The following KCNQ1 variants were observed in gnomAD, a reference collection of about 807,000 sequenced individuals.
KCNQ1 encodes the protein potassium voltage-gated channel subfamily KQT member 1.
In KCNQ1, 49 loss-of-function variants were observed where a neutral mutation model predicts 72.4. The observed-to-expected ratio is 0.68, with a 90% CI of 0.54 to 0.86. The LOEUF (loss-of-function observed/expected upper bound fraction) is 0.86, where lower values mean the gene tolerates loss of function less well. Ranked by LOEUF, KCNQ1 falls within the 40% of genes least tolerant of loss-of-function variation. The pLI, the probability that KCNQ1 is intolerant of heterozygous loss-of-function variation, is 0.00. For missense variants in KCNQ1, 790 were observed against 945.1 expected, an observed-to-expected ratio of 0.84 and a Z score of 2.15; for synonymous variants, 450 against 412.6, an observed-to-expected ratio of 1.09 and a Z score of -1.10.
chr11:2,742,497 C>A (rs965290703), intron 11 of KCNQ1, among the ~76,000 whole-genome samples: 1 of 152,230 alleles, frequency 6.6e-6, no homozygotes, highest in Non-Finnish European at 1.5e-5. Context: ...GTGGTGGATT[C>A]ATCCCAATGC....
chr11:2,672,161 GT>G (rs1850194606), intron 11 of KCNQ1: 1 of 398,542 alleles, frequency 2.5e-6, no homozygotes, highest in African/African-American at 2.1e-5. Context: ...AGTTGGGCTT[GT>G]TTTTCAGTGT....
rs1018324243 is a variant in KCNQ1, at chr11:2,602,568, C to A, written c.1393+13714C>A. Among the ~76,000 whole-genome samples the A allele has an allele frequency of 6.6e-6, 1 of 152,222 alleles. No homozygotes were observed. Among genetic ancestry groups the A allele is most frequent in the Non-Finnish European group, 1.5e-5 (1 of 68,044 alleles). Reference sequence around the variant, plus strand: ...GCAAGGTCTAAGTGATCTAGTTTCTCTGCATTCTTGCTGGCATTTGATGTT... The same window carrying A: ...GCAAGGTCTAAGTGATCTAGTTTCTATGCATTCTTGCTGGCATTTGATGTT... On this transcript the variant is annotated intron_variant, in intron 10 of 15. Transcript: ENST00000155840. This position sits in a 1 kb window ranked among gnomAD's most constrained non-coding sequence, Gnocchi z 4.8.
chr11:2,498,170 C>T lies in KCNQ1; in HGVS notation c.387-29758C>T, dbSNP rs1846952653. Among the ~76,000 whole-genome samples, 2 of 152,208 alleles carry T rather than the reference C, an allele frequency of 1.3e-5. No homozygotes were observed. The highest frequency in any genetic ancestry group is 2.9e-5 in the Non-Finnish European group (2 of 68,038). Reference sequence around the variant, plus strand: ...GGGCTCAGGGACCCACTTGAGGAGGCAGTCTGTCCCTTAGCAGAGCTCATG... The same window carrying T: ...GGGCTCAGGGACCCACTTGAGGAGGTAGTCTGTCCCTTAGCAGAGCTCATG... On this transcript the variant is annotated intron_variant, in intron 1 of 15. Coordinates refer to ENST00000155840, the MANE Select transcript of KCNQ1 (RefSeq NM_000218.3). This position sits in a 1 kb window ranked among gnomAD's most constrained non-coding sequence, Gnocchi z 4.8.
chr11:2,608,328 TAGTC>T lies in KCNQ1; in HGVS notation c.1393+19478_1393+19481del, dbSNP rs139121618. The T allele has an allele frequency of 3.8e-5, 15 of 398,540 alleles. No homozygotes were observed. The highest frequency in any genetic ancestry group is 1.3e-4 in the South Asian group (1 of 7,832). 24.7% of individuals were successfully genotyped at this position (398,540 alleles called of 1,614,324 possible). A position where few individuals can be genotyped will look rare whatever the true frequency, so the allele number is the denominator to read the frequency against. On this transcript the variant is annotated intron_variant, in intron 10 of 15. Transcript: ENST00000155840. The surrounding 1 kb of genome is among the most constrained non-coding windows in gnomAD (Gnocchi z 4.6). The stretch of plus-strand genomic sequence containing the variant: ...CCATTCACATTTTCTACTTATTTCT[TAGTC>T]AGTTTTCATAGTTTTCATCTTTCTA...
chr11:2,737,856 G>C (rs754825017), intron 11 of KCNQ1, among the ~76,000 whole-genome samples: 1 of 152,232 alleles, frequency 6.6e-6, no homozygotes, highest in African/African-American at 2.4e-5. Flanking sequence ...ATGAGGATGT[G>C]AGGCGGTCAT....
intron 15 of KCNQ1, among the ~76,000 whole-genome samples, chr11:2,840,805 C>T (rs1848192245): frequency 6.6e-6 from 1 of 152,242 alleles, no homozygotes; most frequent in Non-Finnish European, 1.5e-5. Flanking sequence ...CCAGCCTCAG[C>T]TTCTCTGCTC....
At chr11:2,625,464 A>C in intron 10 of KCNQ1, 1 of 398,432 alleles carries the variant, frequency 2.5e-6, no homozygotes. Context: ...AGTGTATGTA[A>C]GGTTGTGGTT....
In KCNQ1 at chr11:2,447,870, C is replaced by G. The variant is rs552631395; in HGVS notation, c.386+2386C>G. On this transcript the variant is annotated intron_variant, in intron 1 of 15. Transcript: ENST00000155840. This position sits in a 1 kb window ranked among gnomAD's most constrained non-coding sequence, Gnocchi z 7.6. ...GGGCTAGGGCGAACTCTCCTGTGTG[C>G]GCCTGGGGAAGCCAGCCAGGATATC... 6.6e-6 allele frequency among the ~76,000 whole-genome samples: 1 copy of G among 152,296 alleles called. No individual in the cohort carries two copies. The highest frequency in any genetic ancestry group is 1.9e-4 in the East Asian group (1 of 5,176).
chr11:2,679,797 T>C lies in KCNQ1; in HGVS notation c.1514+17716T>C. 2.5e-6 allele frequency: 1 copy of C among 398,608 alleles called. No individual in the cohort carries two copies. 24.7% of individuals were successfully genotyped at this position (398,608 alleles called of 1,614,324 possible). A position where few individuals can be genotyped will look rare whatever the true frequency, so the allele number is the denominator to read the frequency against. ...AGGGCCTGTTAGGCCAGTTGAGGGCTAGAGGAGCACAAGGGGCCAGACTGC... is the reference window on the plus strand; with the variant it reads ...AGGGCCTGTTAGGCCAGTTGAGGGCCAGAGGAGCACAAGGGGCCAGACTGC... On this transcript the variant is annotated intron_variant, in intron 11 of 15. Coordinates refer to ENST00000155840, the MANE Select transcript of KCNQ1 (RefSeq NM_000218.3). The surrounding 1 kb of genome is among the most constrained non-coding windows in gnomAD (Gnocchi z 4.8).
Position 2,657,863 on chromosome 11 carries a change from T to C in KCNQ1, c.1394-4098T>C, listed in dbSNP as rs1358256430. 1 of 398,476 alleles carries C rather than the reference T, an allele frequency of 2.5e-6. No individual in the cohort carries two copies. The highest frequency in any genetic ancestry group is 4.4e-6 in the Non-Finnish European group (1 of 226,052). The allele number at this position is 398,476 out of a possible 1,614,324, so 24.7% of individuals were successfully genotyped here. A position where few individuals can be genotyped will look rare whatever the true frequency, so the allele number is the denominator to read the frequency against. ...CAGGACTAGACCAGGGTTATAGGTT[T>C]AGGGGAAGGAGGCCAGTGAGGTGAG... On this transcript the variant is annotated intron_variant, in intron 10 of 15. Transcript: ENST00000155840. The surrounding 1 kb of genome is among the most constrained non-coding windows in gnomAD (Gnocchi z 4.8).
At chr11:2,707,912 C>T (rs2133914260) in intron 11 of KCNQ1, among the ~76,000 whole-genome samples, 1 of 152,322 alleles carries the variant, frequency 6.6e-6, no homozygotes, top group African/African-American at 2.4e-5. Flanking sequence ...TGTGCCTTGG[C>T]CCACATTTGG....
intron 11 of KCNQ1, among the ~76,000 whole-genome samples, chr11:2,763,808 C>T (rs1289834788): frequency 1.3e-5 from 2 of 151,980 alleles, no homozygotes; most frequent in Non-Finnish European, 2.9e-5. Flanking sequence ...GTGATCCTCC[C>T]ACCCCACCCT....
intron 1 of KCNQ1, among the ~76,000 whole-genome samples, chr11:2,523,771 T>G (rs1847441435): frequency 6.7e-6 from 1 of 148,842 alleles, no homozygotes; most frequent in African/African-American, 2.5e-5. Context: ...TTTTTTTTTT[T>G]GAAAGTTTAA....
intron 10 of KCNQ1, among the ~76,000 whole-genome samples, chr11:2,589,647 G>A (rs1848645654): frequency 6.6e-6 from 1 of 152,202 alleles, no homozygotes; most frequent in Non-Finnish European, 1.5e-5. Context: ...ATGTGCTTCA[G>A]CCACACGGCA....
intron 11 of KCNQ1, among the ~76,000 whole-genome samples, chr11:2,760,343 G>T (rs577127187): frequency 6.6e-6 from 1 of 152,202 alleles, no homozygotes; most frequent in Non-Finnish European, 1.5e-5. Flanking sequence ...ATGAACCAGC[G>T]GATGGGGGTG....
intron 11 of KCNQ1, among the ~76,000 whole-genome samples, chr11:2,742,742 C>T (rs547587794): frequency 2.6e-5 from 4 of 152,220 alleles, no homozygotes; most frequent in African/African-American, 4.8e-5. Context: ...GAATTCGGGG[C>T]GGTCCTGACA....
intron 11 of KCNQ1, chr11:2,666,473 G>A (rs779582430): frequency 1.3e-5 from 5 of 398,528 alleles, no homozygotes; most frequent in Non-Finnish European, 1.8e-5. Flanking sequence ...AGAATCTCAC[G>A]CCAAGACATT....
At position 2,682,789 on chromosome 11, in the gene KCNQ1, A is replaced by G. The variant is rs1325293660; in HGVS notation, c.1514+20708A>G. ...AGAAATGCAGGGAAATCTGGGCACC[A>G]TGAAATGCAGTGACTTGCAGTGATC... On this transcript the variant is annotated intron_variant, in intron 11 of 15. Coordinates refer to ENST00000155840, the MANE Select transcript of KCNQ1 (RefSeq NM_000218.3). The surrounding 1 kb of genome is among the most constrained non-coding windows in gnomAD (Gnocchi z 5.8). The G allele has an allele frequency of 5.0e-6, 2 of 398,684 alleles. No individual in the cohort carries two copies. The highest frequency in any genetic ancestry group is 8.8e-6 in the Non-Finnish European group (2 of 226,092). 24.7% of individuals were successfully genotyped at this position (398,684 alleles called of 1,614,324 possible). A position where few individuals can be genotyped will look rare whatever the true frequency, so the allele number is the denominator to read the frequency against.
Position 2,783,857 on chromosome 11 carries a change from A to G in KCNQ1, c.1794+5820A>G, listed in dbSNP as rs1036235784. Among the ~76,000 whole-genome samples the G allele has an allele frequency of 1.3e-5, 2 of 151,958 alleles. No homozygotes were observed. The highest frequency in any genetic ancestry group is 4.1e-4 in the South Asian group (2 of 4,828). On this transcript the variant is annotated intron_variant, in intron 15 of 15. Transcript: ENST00000155840. The surrounding 1 kb of genome is among the most constrained non-coding windows in gnomAD (Gnocchi z 5.2). ...TTCTAATTAAGTAGTCTGTTCTATTATTGAGTTGCAAGGGTTTTTTATATG... is the reference window on the plus strand; with the variant it reads ...TTCTAATTAAGTAGTCTGTTCTATTGTTGAGTTGCAAGGGTTTTTTATATG...
Sources: gnomAD v4.1 joint callset for allele counts (sites outside exome capture counted in the v4.1 genomes callset) on GRCh38, gnomAD v4.1.1 for gene constraint, Gnocchi (gnomAD v3.1) non-coding constraint, MANE v1.5 for transcripts, NCBI Gene and HGNC (gene_info 2026-07-23, HGNC 2026-07-21) for gene names.